Variants in ATP2C1 observed in about 807,000 individuals in gnomAD.
ATP2C1 encodes the protein calcium-transporting ATPase type 2C member 1.
ATP2C1 carries 31 observed loss-of-function variants against 120.5 expected under a neutral mutation model. The ratio of observed to expected loss-of-function variants is 0.26; its 90% CI spans 0.19 to 0.35. The LOEUF is 0.35. Among genes scored for constraint, ATP2C1 ranks in the 10% least tolerant of loss-of-function variants. The probability of loss-of-function intolerance (pLI) is 1.00; values close to 1 mark genes in which losing one functional copy is unlikely to be tolerated. For missense variants in ATP2C1, 731 were observed against 1,107.5 expected, an observed-to-expected ratio of 0.66 and a Z score of 4.83; for synonymous variants, 351 against 358.7, an observed-to-expected ratio of 0.98 and a Z score of 0.24.
chr3:130,942,315 T>C (rs1172336056), intron 8 of ATP2C1, among the ~76,000 whole-genome samples: 2 of 152,218 alleles, frequency 1.3e-5, no homozygotes, highest in Non-Finnish European at 2.9e-5. Flanking sequence ...TCAGATTTTT[T>C]TGGTTAGGAG....
rs557756927 is a variant in ATP2C1, at chr3:130,959,418, A to G, written c.899+77A>G. On this transcript the variant is annotated intron_variant, in intron 12 of 27. Coordinates refer to ENST00000510168, the MANE Select transcript of ATP2C1 (RefSeq NM_001378687.1). ...TAATGGACATAGCTTACGTTTTATT[A>G]TGGAGATCAGTATTACATGGAGCCC... 9.3e-6 allele frequency: 9 copies of G among 969,888 alleles called. No homozygotes were observed. In the South Asian group the frequency reaches 9.4e-5, roughly 10 times the overall value. The allele number at this position is 969,888 out of a possible 1,614,324, so 60.1% of individuals were successfully genotyped here.
At position 130,953,866 on chromosome 3, in the gene ATP2C1, A is replaced by G; in HGVS notation, c.577A>G (p.Thr193Ala). Residue 193 changes from threonine to alanine, a missense_variant, in exon 9 of 28, where the codon ACG (threonine) becomes GCG (alanine). Physicochemically the swap from Thr to Ala is moderately conservative, Grantham distance 58. Transcript: ENST00000510168. ...TGAGTCCAGCTTGACAGGTGAGACA[A>G]CGCCTTGTTCTAAGGTGACAGCTCC... Reference protein sequence around the residue: ...IDESSLTGETTPCSKVTAPQP... With the variant: ...IDESSLTGETAPCSKVTAPQP... 1 of 1,614,078 alleles carries G rather than the reference A, an allele frequency of 6.2e-7. No individual in the cohort carries two copies. Among genetic ancestry groups the G allele is most frequent in the Non-Finnish European group, 8.5e-7 (1 of 1,179,990 alleles).
At chr3:130,885,543 T>C (rs1164665158) in intron 1 of ATP2C1, among the ~76,000 whole-genome samples, 1 of 152,166 alleles carries the variant, frequency 6.6e-6, no homozygotes, top group South Asian at 2.1e-4. Context: ...AAATACTATC[T>C]TATAACCCAT....
At chr3:131,014,470 A>G in intron 26 of ATP2C1, 2 of 1,306,040 alleles carry the variant, frequency 1.5e-6, no homozygotes, top group Non-Finnish European at 2.1e-6. Flanking sequence ...GCTTCAACAA[A>G]TGCATCTAAA....
chr3:130,872,327 T>C (rs776780589), intron 1 of ATP2C1, among the ~76,000 whole-genome samples: 3 of 152,160 alleles, frequency 2.0e-5, no homozygotes, highest in Non-Finnish European at 4.4e-5. Context: ...ATAACAAAAA[T>C]TTAACTGGAA....
chr3:130,863,988 C>T (rs569889340), intron 1 of ATP2C1, among the ~76,000 whole-genome samples: 13 of 152,158 alleles, frequency 8.5e-5, no homozygotes, highest in East Asian at 3.9e-4. Context: ...AAAAGATACC[C>T]GAAAATGTGG....
At chr3:130,967,112 T>C in intron 14 of ATP2C1, 33 bp from the exon 15 acceptor site, 1 of 1,517,938 alleles carries the variant, frequency 6.6e-7, no homozygotes, top group East Asian at 2.3e-5. Context: ...GTTTGTAGTG[T>C]TTGTATTATT....
intron 2 of ATP2C1, chr3:130,914,538 C>T (rs1389344556): frequency 6.6e-6 from 1 of 152,224 alleles, no homozygotes; most frequent in East Asian, 1.9e-4. Context: ...TCAATAATAT[C>T]ATTCTGGGGT....
At chr3:130,912,955 G>A (rs1303137921) in intron 2 of ATP2C1, among the ~76,000 whole-genome samples, 37 of 150,714 alleles carry the variant, frequency 2.5e-4, no homozygotes, top group African/African-American at 7.8e-4. Context: ...CCTTTGTAGG[G>A]ACATGGATGA....
chr3:131,010,187 CTTTTTT>C (rs35503162), intron 26 of ATP2C1, among the ~76,000 whole-genome samples: 3 of 88,020 alleles, frequency 3.4e-5, no homozygotes, highest in African/African-American at 8.4e-5. Context: ...CTTTTTCTAT[CTTTTTT>C]TTTTTTTTTT....
chr3:130,943,480 G>A lies in ATP2C1; in HGVS notation c.531+1781G>A, dbSNP rs111946650. Among the ~76,000 whole-genome samples the A allele has an allele frequency of 5.2e-3, 796 of 152,268 alleles. 4 individuals carry two copies. The highest frequency in any genetic ancestry group is 8.9e-3 in the Non-Finnish European group (606 of 68,034). ...GATCCACCTGCCTCAGCCTCCTAAA[G>A]TGCTGGGATTATAGTCGTGAGCCAC... On this transcript the variant is annotated intron_variant, in intron 8 of 27. Transcript: ENST00000510168.
chr3:130,922,719 C>T (rs936379863), intron 2 of ATP2C1, among the ~76,000 whole-genome samples: 7 of 152,080 alleles, frequency 4.6e-5, no homozygotes, highest in African/African-American at 9.7e-5. Flanking sequence ...GACTTGAAGT[C>T]GTCATTCAAG....
intron 26 of ATP2C1, chr3:131,014,284 C>T: frequency 3.1e-6 from 5 of 1,613,788 alleles, no homozygotes; most frequent in Non-Finnish European, 4.2e-6. Flanking sequence ...AATAGATATT[C>T]ATAAAGTTGC....
intron 6 of ATP2C1, 41 bp downstream of exon 6, chr3:130,937,504 T>A (rs766611486): frequency 3.5e-5 from 55 of 1,567,868 alleles, no homozygotes; most frequent in Non-Finnish European, 4.7e-5. Context: ...GGTATGTTAA[T>A]TGCTTAAAAA....
At position 130,996,623 on chromosome 3, in the gene ATP2C1, C is replaced by T. The variant is rs988858816; in HGVS notation, c.2127-57C>T. ...TTTTTAAATGCTAAAAAAGTGGTAT[C>T]ATAGAATCAACAGATTTACTCTACT... On this transcript the variant is annotated intron_variant, in intron 23 of 27. Transcript: ENST00000510168. 18 of 1,150,398 alleles carry T rather than the reference C, an allele frequency of 1.6e-5. No homozygotes were observed. The African/African-American group carries it at 2.0e-4, about 13-fold the overall frequency. The allele number at this position is 1,150,398 out of a possible 1,614,324, so 71.3% of individuals were successfully genotyped here.
At chr3:130,902,580 T>C (rs2057912726) in intron 2 of ATP2C1, among the ~76,000 whole-genome samples, 1 of 151,910 alleles carries the variant, frequency 6.6e-6, no homozygotes. Flanking sequence ...CACAGAACTG[T>C]TATTGTTTGG....
At chr3:131,016,141 T>C (rs775584137) in intron 26 of ATP2C1, 2 of 1,613,934 alleles carry the variant, frequency 1.2e-6, no homozygotes, top group South Asian at 1.1e-5. Context: ...CCATGGTGCT[T>C]ACCGAGTTAG....
Position 130,999,586 on chromosome 3 carries a change from C to G in ATP2C1, c.2556C>G (p.Ile852Met), listed in dbSNP as rs193111792. ...TTTGCTATGCAGTTCTTGGATCCAT[C>G]ATGGGACAATTACTAGTTATTTACT... ...RMFCYAVLGS[I>M]MGQLLVIYFP... Residue 852 changes from isoleucine to methionine, a missense_variant, in exon 27 of 28, where the codon ATC (isoleucine) becomes ATG (methionine). Coordinates refer to ENST00000510168, the MANE Select transcript of ATP2C1 (RefSeq NM_001378687.1). 1 of 1,613,428 alleles carries G rather than the reference C, an allele frequency of 6.2e-7. No homozygotes were observed. The highest frequency in any genetic ancestry group is 8.5e-7 in the Non-Finnish European group (1 of 1,179,544).
intron 2 of ATP2C1, among the ~76,000 whole-genome samples, chr3:130,917,890 A>G (rs573991423): frequency 3.2e-4 from 48 of 152,038 alleles, no homozygotes; most frequent in African/African-American, 1.1e-3. Context: ...GGAGTTATGC[A>G]GTCATTTGTC....
Sources: allele counts gnomAD v4.1 joint callset (sites outside exome capture counted in the v4.1 genomes callset), GRCh38; gene constraint gnomAD v4.1.1; transcripts MANE v1.5; gene names NCBI Gene and HGNC (gene_info 2026-07-23, HGNC 2026-07-21).